Variants in BRCA1 observed in about 807,000 individuals in gnomAD.
BRCA1 encodes the protein breast cancer type 1 susceptibility protein.
A neutral mutation model predicts 173.7 loss-of-function variants in BRCA1; 140 were observed. The observed-to-expected ratio is 0.81, with a 90% CI of 0.70 to 0.93. The LOEUF (loss-of-function observed/expected upper bound fraction) is 0.93, where lower values mean the gene tolerates loss of function less well. BRCA1 is among the 40% of genes least tolerant of loss of function. The pLI is 0.00. For missense variants in BRCA1, 1,983 were observed against 2,172.5 expected, an observed-to-expected ratio of 0.91 and a Z score of 1.73; for synonymous variants, 662 against 756.0, an observed-to-expected ratio of 0.88 and a Z score of 2.04.
intron 18 of BRCA1, among the ~76,000 whole-genome samples, chr17:43,058,666 A>G (rs570282743): frequency 6.6e-6 from 1 of 152,360 alleles, no homozygotes; most frequent in African/African-American, 2.4e-5. Context: ...GTGCTGTTAT[A>G]AAGGTAACTG....
chr17:43,110,628 A>G (rs758878834), intron 3 of BRCA1: 1 of 385,078 alleles, frequency 2.6e-6, no homozygotes, highest in South Asian at 1.9e-5. Context: ...AATTTAAGTT[A>G]CATTTATTGC....
chr17:43,164,723 T>C (rs1025333423), intron 1 of BRCA1: 5 of 152,128 alleles, frequency 3.3e-5, no homozygotes, highest in African/African-American at 1.2e-4. Context: ...CAACACAAGG[T>C]AGGGTCCTTC....
intron 6 of BRCA1, among the ~76,000 whole-genome samples, chr17:43,100,678 AATATAT>A (rs56679756): frequency 8.3e-4 from 30 of 36,246 alleles, no homozygotes; most frequent in African/African-American, 3.0e-3. Flanking sequence ...ATATATATAT[AATATAT>A]ATATATATAT....
intron 1 of BRCA1, among the ~76,000 whole-genome samples, chr17:43,135,340 T>G (rs1375957291): frequency 6.6e-6 from 1 of 152,214 alleles, no homozygotes; most frequent in Non-Finnish European, 1.5e-5. Context: ...TGCAAGAACT[T>G]TCTTCCAACT....
At chr17:43,126,543 G>A (rs1303782081), upstream of BRCA1, among the ~76,000 whole-genome samples, 1 of 152,198 alleles carries the variant, frequency 6.6e-6, no homozygotes, top group Non-Finnish European at 1.5e-5. Flanking sequence ...CAAAGAAGAG[G>A]GGCGACTTTT....
chr17:43,067,865 C>CTT (rs1326290892), intron 15 of BRCA1, among the ~76,000 whole-genome samples, 170 bp from the exon 16 acceptor site: 4 of 54,572 alleles, frequency 7.3e-5, no homozygotes, highest in Non-Finnish European at 1.3e-4. Flanking sequence ...TAGACAGAGT[C>CTT]TTGCTCTGTC....
intron 18 of BRCA1, among the ~76,000 whole-genome samples, chr17:43,057,767 C>T (rs1483442111): frequency 9.4e-5 from 14 of 148,460 alleles, no homozygotes; most frequent in East Asian, 2.1e-4. Context: ...ACCCGGGAGG[C>T]GGAGCTTGCA....
At chr17:43,126,885 C>T (rs536995998), upstream of BRCA1, among the ~76,000 whole-genome samples, 1 of 152,200 alleles carries the variant, frequency 6.6e-6, no homozygotes, top group Non-Finnish European at 1.5e-5. Context: ...CGCTCGCCAG[C>T]CAGCGCGAGT....
At chr17:43,140,787 C>T (rs1052613089) in intron 1 of BRCA1, among the ~76,000 whole-genome samples, 21 of 152,148 alleles carry the variant, frequency 1.4e-4, no homozygotes, top group African/African-American at 1.9e-4. Flanking sequence ...TCTTTCCCAG[C>T]GCCAGGCACA....
At chr17:43,056,350 A>T (rs2051457367) in intron 19 of BRCA1, among the ~76,000 whole-genome samples, 1 of 151,254 alleles carries the variant, frequency 6.6e-6, no homozygotes, top group Non-Finnish European at 1.5e-5. Context: ...ATTTTTGTAT[A>T]TTTTTTTTGG....
intron 1 of BRCA1, among the ~76,000 whole-genome samples, chr17:43,158,068 T>C (rs1379816835): frequency 1.3e-5 from 2 of 151,406 alleles, no homozygotes; most frequent in South Asian, 2.1e-4. Flanking sequence ...AAACATACAA[T>C]AGTTGACTGA....
intron 11 of BRCA1, among the ~76,000 whole-genome samples, chr17:43,085,329 C>T (rs1036676751): frequency 2.0e-5 from 3 of 151,374 alleles, no homozygotes; most frequent in Admixed American, 6.6e-5. Context: ...CACGGCACTC[C>T]AGCCTGGGCA....
chr17:43,044,473 T>G lies in BRCA1; in HGVS notation c.*1205A>C, dbSNP rs1419194772. ...GTTTATGAAAAACACTTTTTCTTCC[T>G]TCAGCAAGCAAAATTATTTATGAAG... On this transcript the variant is annotated 3_prime_UTR_variant, in exon 23 of 23. Coordinates refer to ENST00000357654, the MANE Select transcript of BRCA1 (RefSeq NM_007294.4). The G allele has an allele frequency of 3.9e-6, 2 of 509,768 alleles. No homozygotes were observed. Among genetic ancestry groups the G allele is most frequent in the Admixed American group, 4.5e-5 (2 of 44,152 alleles). The allele number at this position is 509,768 out of a possible 1,614,324, so 31.6% of individuals were successfully genotyped here. A position where few individuals can be genotyped will look rare whatever the true frequency, so the allele number is the denominator to read the frequency against.
chr17:43,063,408 G>A lies in BRCA1; in HGVS notation c.5153-35C>T, dbSNP rs1425411094. 1 of 1,555,368 alleles carries A rather than the reference G, an allele frequency of 6.4e-7. No individual in the cohort carries two copies. Among genetic ancestry groups the A allele is most frequent in the Admixed American group, 1.7e-5 (1 of 59,936 alleles). ...TCATAGAAAAGACAGGTTACATACA[G>A]CAGAAGAACGTGCTCTTTTCACGGA... On this transcript the variant is annotated intron_variant, in intron 17 of 22. Transcript: ENST00000357654.
At chr17:43,100,668 A>T (rs1597890553) in intron 6 of BRCA1, among the ~76,000 whole-genome samples, 1 of 24,408 alleles carries the variant, frequency 4.1e-5, no homozygotes, top group Non-Finnish European at 8.0e-5. Flanking sequence ...ATATATATAT[A>T]TATATATATA....
At chr17:43,077,656 A>T (rs1290010498) in intron 12 of BRCA1, among the ~76,000 whole-genome samples, 1 of 149,784 alleles carries the variant, frequency 6.7e-6, no homozygotes, top group Non-Finnish European at 1.5e-5. Context: ...TAATATATTT[A>T]CTCCTCCAAA....
chr17:43,165,046 C>T (rs1372528275), intron 1 of BRCA1, among the ~76,000 whole-genome samples: 2 of 152,002 alleles, frequency 1.3e-5, no homozygotes, highest in African/African-American at 2.4e-5. Flanking sequence ...CAGTGCTTCT[C>T]GTATGATTTT....
At chr17:43,110,135 G>A (rs1670114385) in intron 3 of BRCA1, among the ~76,000 whole-genome samples, 1 of 151,886 alleles carries the variant, frequency 6.6e-6, no homozygotes, top group South Asian at 2.1e-4. Context: ...ACCTCGTGAT[G>A]TGCCCATCTC....
Position 43,168,053 on chromosome 17 carries a change from A to C in BRCA1, c.-20+2073T>G, listed in dbSNP as rs553151378. The C allele has an allele frequency of 1.1e-4, 23 of 200,572 alleles. No homozygotes were observed. In the South Asian group the frequency reaches 1.6e-3, roughly 14 times the overall value. The allele number at this position is 200,572 out of a possible 1,614,324, so 12.4% of individuals were successfully genotyped here. On this transcript the variant is annotated intron_variant, in intron 1 of 7. Coordinates refer to the BRCA1 transcript ENST00000634433. ...AGTTAAGAAAATCAGCAATTACAATAGCCTAATCTTATTAGACATGTCTTT... is the reference window on the plus strand; with the variant it reads ...AGTTAAGAAAATCAGCAATTACAATCGCCTAATCTTATTAGACATGTCTTT...
Sources: gnomAD v4.1 joint callset for allele counts (sites outside exome capture counted in the v4.1 genomes callset) on GRCh38, gnomAD v4.1.1 for gene constraint, MANE v1.5 for transcripts, NCBI Gene and HGNC (gene_info 2026-07-23, HGNC 2026-07-21) for gene names.